IL1RAPL2: variants seen among roughly 807,000 people sequenced by gnomAD.
IL1RAPL2 encodes the protein interleukin 1 receptor accessory protein like 2, also known as X-linked interleukin-1 receptor accessory protein-like 2.
A neutral mutation model predicts 44.1 loss-of-function variants in IL1RAPL2; 3 were observed. The ratio of observed to expected loss-of-function variants is 0.07; its 90% confidence interval spans 0.03 to 0.18. The LOEUF is 0.18. Among genes scored for constraint, IL1RAPL2 ranks in the 10% least tolerant of loss-of-function variants. The probability of loss-of-function intolerance (pLI) is 1.00; values close to 1 mark genes in which losing one functional copy is unlikely to be tolerated. For missense variants in IL1RAPL2, 391 were observed against 496.4 expected (o/e 0.79, Z 2.02); for synonymous variants, 181 against 178.8 (o/e 1.01, Z -0.10).
chrX:104,764,073 AT>A (rs930071355), intron 2 of IL1RAPL2, among the ~76,000 whole-genome samples: 2 of 109,413 alleles, frequency 1.8e-5, no homozygotes, highest in East Asian at 2.9e-4. Context: ...AAATTTTAGG[AT>A]TTTTTTTTCT....
At chrX:104,750,886 A>C (rs928001239) in intron 2 of IL1RAPL2, among the ~76,000 whole-genome samples, 1 of 110,853 alleles carries the variant, frequency 9.0e-6, no homozygotes, top group Admixed American at 9.7e-5. Flanking sequence ...TTAAAAAAAA[A>C]CCCAAATAGT....
At chrX:105,267,361 G>T (rs1262083447) in intron 4 of IL1RAPL2, 27 bp from the exon 5 acceptor site, 2 of 1,170,473 alleles carry the variant, frequency 1.7e-6, no homozygotes, top group Admixed American at 5.1e-5. Flanking sequence ...TCTATTTTTT[G>T]CTTACTTGCA....
At chrX:105,226,385 CTTTTTTTTTTTTTTTT>C (rs35192051) in intron 3 of IL1RAPL2, among the ~76,000 whole-genome samples, 2 of 53,352 alleles carry the variant, frequency 3.7e-5, no homozygotes, top group African/African-American at 9.5e-5. Flanking sequence ...TTTCTTTTCC[CTTTTTTTTTTTTTTTT>C]TTTTTTTTTT....
intron 2 of IL1RAPL2, among the ~76,000 whole-genome samples, chrX:104,773,785 A>T (rs985178315): frequency 8.9e-6 from 1 of 112,086 alleles, no homozygotes; most frequent in Admixed American, 9.4e-5. Context: ...GAGGGATGAG[A>T]TCTTTAGCCA....
intron 5 of IL1RAPL2, among the ~76,000 whole-genome samples, chrX:105,326,284 T>A (rs1352082478): frequency 1.8e-5 from 2 of 111,227 alleles, no homozygotes; most frequent in Non-Finnish European, 3.8e-5. Flanking sequence ...CTGGAACTTC[T>A]GGCCTCAAGC....
At chrX:104,620,982 A>ATAAATTCTATAATTTATATAATAAT (rs1414558368) in intron 1 of IL1RAPL2, among the ~76,000 whole-genome samples, 16 of 97,746 alleles carry the variant, frequency 1.6e-4, no homozygotes, top group African/African-American at 6.9e-4. Context: ...AATATAATAT[A>ATAAATTCTATAATTTATATAATAAT]ATAACATATA....
intron 2 of IL1RAPL2, among the ~76,000 whole-genome samples, chrX:104,927,161 A>G (rs896488123): frequency 8.9e-6 from 1 of 111,883 alleles, no homozygotes; most frequent in Admixed American, 9.5e-5. Context: ...AATTTCTCCT[A>G]TTGAAGATAA....
intron 3 of IL1RAPL2, chrX:105,220,535 C>T (rs186710149): frequency 1.8e-6 from 1 of 569,214 alleles, no homozygotes; most frequent in African/African-American, 2.4e-5. Context: ...CTGACAAGAC[C>T]GTCCTAATGA....
chrX:105,165,612 C>T (rs1479879048), intron 2 of IL1RAPL2, among the ~76,000 whole-genome samples: 1 of 111,985 alleles, frequency 8.9e-6, no homozygotes, highest in African/African-American at 3.2e-5. Flanking sequence ...GGATAATTTC[C>T]AAACTTCTTG....
chrX:104,784,214 G>A (rs1932787690), intron 2 of IL1RAPL2, among the ~76,000 whole-genome samples: 1 of 112,212 alleles, frequency 8.9e-6, no homozygotes, highest in Non-Finnish European at 1.9e-5. Context: ...CAAAGGAAGT[G>A]TTTTCAATTG....
chrX:104,736,915 T>A lies in IL1RAPL2; in HGVS notation c.82+77920T>A, dbSNP rs759795693. ...CATTGATGGAGGTGAGGATAAAAGG[T>A]TAGAACCAGAATTAAAGTCTCAGCT... On this transcript the variant is annotated intron_variant, in intron 2 of 10. Coordinates refer to ENST00000372582, the MANE Select transcript of IL1RAPL2 (RefSeq NM_017416.2). Among the ~76,000 whole-genome samples, 4 of 112,160 alleles carry A rather than the reference T, an allele frequency of 3.6e-5. No homozygotes were observed. The South Asian group carries it at 1.5e-3, about 41-fold the overall frequency.
intron 2 of IL1RAPL2, among the ~76,000 whole-genome samples, chrX:104,923,869 T>TA (rs35636547): frequency 5.8e-4 from 61 of 104,416 alleles, no homozygotes; most frequent in African/African-American, 1.2e-3. Flanking sequence ...AAGTTGGATT[T>TA]AAAAAAAAAA....
chrX:105,452,297 C>CT (rs2036025147), intron 5 of IL1RAPL2, among the ~76,000 whole-genome samples: 1 of 111,282 alleles, frequency 9.0e-6, no homozygotes, highest in Non-Finnish European at 1.9e-5. Context: ...TTTTTAACTT[C>CT]TTTTTTTCTA....
chrX:105,619,376 G>C (rs114853525), intron 6 of IL1RAPL2, among the ~76,000 whole-genome samples: 1,141 of 111,518 alleles, frequency 0.01, 24 homozygotes, highest in African/African-American at 0.035. Context: ...CACAAAGAGG[G>C]AGACACCATT....
At position 104,887,540 on chromosome X, in the gene IL1RAPL2, C is replaced by T. The variant is rs146137878; in HGVS notation, c.82+228545C>T. Among the ~76,000 whole-genome samples, 867 of 111,450 alleles carry T rather than the reference C, an allele frequency of 7.8e-3. 14 individuals carry two copies. Among genetic ancestry groups the T allele is most frequent in the African/African-American group, 0.027 (815 of 30,629 alleles). The stretch of plus-strand genomic sequence containing the variant: ...AAAGGATCTCACTGTCTGGACTACT[C>T]ATGACGTAAATGGCATACTAGGTGC... On this transcript the variant is annotated intron_variant, in intron 2 of 10. Coordinates refer to ENST00000372582, the MANE Select transcript of IL1RAPL2 (RefSeq NM_017416.2).
chrX:105,341,523 C>T (rs2035070048), intron 5 of IL1RAPL2, among the ~76,000 whole-genome samples: 1 of 111,816 alleles, frequency 8.9e-6, no homozygotes, highest in African/African-American at 3.2e-5. Context: ...GCATTTAAAA[C>T]CTTTAATCTC....
intron 2 of IL1RAPL2, among the ~76,000 whole-genome samples, chrX:105,140,530 T>C (rs1156384265): frequency 8.9e-6 from 1 of 112,077 alleles, no homozygotes; most frequent in Non-Finnish European, 1.9e-5. Context: ...GATGAAAAAA[T>C]CATCCATTTG....
intron 2 of IL1RAPL2, among the ~76,000 whole-genome samples, chrX:104,929,902 G>A (rs1020517011): frequency 2.7e-5 from 3 of 112,054 alleles, no homozygotes; most frequent in African/African-American, 9.7e-5. Context: ...GTCAATGACT[G>A]CTCACAAATT....
intron 2 of IL1RAPL2, among the ~76,000 whole-genome samples, chrX:104,668,194 T>G (rs1043512668): frequency 9.0e-6 from 1 of 111,407 alleles, no homozygotes; most frequent in African/African-American, 3.3e-5. Context: ...CTCCACAATT[T>G]TAAAATTATA....
Sources: allele counts gnomAD v4.1 joint callset (sites outside exome capture counted in the v4.1 genomes callset), GRCh38; gene constraint gnomAD v4.1.1; transcripts MANE v1.5; gene names NCBI Gene and HGNC (gene_info 2026-07-23, HGNC 2026-07-21).